The following DPF3 variants were observed in gnomAD, a reference collection of about 807,000 sequenced individuals.
The protein encoded by DPF3 is zinc finger protein DPF3.
In DPF3, 18 loss-of-function variants were observed where a neutral mutation model predicts 56.8. That is an observed-to-expected ratio of 0.32 (90% CI 0.22 to 0.47). DPF3 has a LOEUF of 0.47. Ranked by LOEUF, DPF3 falls within the 20% of genes least tolerant of loss-of-function variation. The pLI is 1.00. For synonymous variants in DPF3, 188 were observed against 180.2 expected (o/e 1.04, Z -0.35); for missense variants, 403 against 488.8 (o/e 0.82, Z 1.65).
At chr14:72,704,700 T>A (rs988037126) in intron 6 of DPF3, among the ~76,000 whole-genome samples, 6 of 152,206 alleles carry the variant, frequency 3.9e-5, no homozygotes, top group Non-Finnish European at 8.8e-5. Flanking sequence ...CTTCCCCTTT[T>A]AGGATATTCC....
chr14:72,776,533 A>G (rs989984624), intron 1 of DPF3, among the ~76,000 whole-genome samples: 3 of 152,308 alleles, frequency 2.0e-5, no homozygotes, highest in South Asian at 2.1e-4. Context: ...AAGAAGACTC[A>G]GAATGGGAAA....
chr14:72,755,179 G>GT lies in DPF3; in HGVS notation c.194-1809dup, dbSNP rs1890741824. On this transcript the variant is annotated intron_variant, in intron 2 of 10. Transcript: ENST00000556509. ...GTGCTTCCAACCTAATCAAACACAG[G>GT]TAAGTAAGAGTGAGCTGGCCCCCAC... 3.3e-5 allele frequency among the ~76,000 whole-genome samples: 5 copies of GT among 152,318 alleles called. No homozygotes were observed. In the South Asian group the frequency reaches 1.0e-3, roughly 32 times the overall value.
At chr14:72,769,924 A>G (rs962866321) in intron 2 of DPF3, among the ~76,000 whole-genome samples, 20 of 152,174 alleles carry the variant, frequency 1.3e-4, no homozygotes, top group Non-Finnish European at 2.8e-4. Flanking sequence ...AAAGTCATTT[A>G]TCCTGCCTTT....
chr14:72,887,983 CT>C (rs1394256153), intron 1 of DPF3, among the ~76,000 whole-genome samples: 1 of 152,030 alleles, frequency 6.6e-6, no homozygotes, highest in Non-Finnish European at 1.5e-5. Flanking sequence ...AAAAAAAAAC[CT>C]TTTATCAGCA....
At chr14:72,669,559 C>G (rs763241935) in intron 8 of DPF3, among the ~76,000 whole-genome samples, 56 of 152,254 alleles carry the variant, frequency 3.7e-4, no homozygotes, top group South Asian at 8.3e-4. Context: ...CCTCCCTATT[C>G]CTACCCAAAT....
intron 8 of DPF3, among the ~76,000 whole-genome samples, chr14:72,646,263 G>C (rs1269105547): frequency 6.6e-6 from 1 of 152,214 alleles, no homozygotes; most frequent in Non-Finnish European, 1.5e-5. Flanking sequence ...CAGTCCAAAA[G>C]ACCTCACTTC....
In DPF3 at chr14:72,763,510, A is replaced by C. The variant is rs941478889; in HGVS notation, c.193+8223T>G. Among the ~76,000 whole-genome samples, 6 of 152,276 alleles carry C rather than the reference A, an allele frequency of 3.9e-5. No individual in the cohort carries two copies. The East Asian group carries it at 1.2e-3, about 29-fold the overall frequency. On this transcript the variant is annotated intron_variant, in intron 2 of 10. Coordinates refer to ENST00000556509, the MANE Select transcript of DPF3 (RefSeq NM_001280542.3). ...TGGAGAAAGACGAGTCTTTTCAGCAAACTATGTTGAAACAATTGAATATCC... is the reference window on the plus strand; with the variant it reads ...TGGAGAAAGACGAGTCTTTTCAGCACACTATGTTGAAACAATTGAATATCC...
At chr14:72,800,655 TGGATGCATGGATGAAC>T (rs1242338286) in intron 1 of DPF3, among the ~76,000 whole-genome samples, 5 of 151,976 alleles carry the variant, frequency 3.3e-5, no homozygotes, top group Admixed American at 3.3e-4. Context: ...GATGCATGGA[TGGATGCATGGATGAAC>T]GGATGCATGG....
In DPF3 at chr14:72,853,066, T is replaced by TGTGTGTGTGTGTGC. The variant is rs1338131454; in HGVS notation, c.32+40990_32+40991insGCACACACACACAC. Among the ~76,000 whole-genome samples the TGTGTGTGTGTGTGC allele has an allele frequency of 2.0e-5, 3 of 151,850 alleles. No individual in the cohort carries two copies. In the East Asian group the frequency reaches 5.8e-4, roughly 30 times the overall value. Reference sequence around the variant, plus strand: ...GTGTGTGTATGTGTGTGTGTGTGTATGCATGCTTGCTGAGGCATAGAAAAT... The same window carrying TGTGTGTGTGTGTGC: ...GTGTGTGTATGTGTGTGTGTGTGTATGTGTGTGTGTGTGCGCATGCTTGCTGAGGCATAGAAAAT... On this transcript the variant is annotated intron_variant, in intron 1 of 10. Transcript: ENST00000556509.
chr14:72,642,974 G>C (rs932106037), intron 8 of DPF3, among the ~76,000 whole-genome samples: 1 of 152,160 alleles, frequency 6.6e-6, no homozygotes, highest in Non-Finnish European at 1.5e-5. Flanking sequence ...TTCCCCGTGG[G>C]GATCCTGTGA....
At chr14:72,874,306 G>A (rs190666756) in intron 1 of DPF3, among the ~76,000 whole-genome samples, 2 of 151,662 alleles carry the variant, frequency 1.3e-5, no homozygotes, top group Admixed American at 6.6e-5. Context: ...GTGAAACCCC[G>A]TCTCTATTAA....
intron 7 of DPF3, among the ~76,000 whole-genome samples, chr14:72,682,298 T>A (rs1887198558): frequency 6.6e-6 from 1 of 151,000 alleles, no homozygotes; most frequent in Admixed American, 6.6e-5. Flanking sequence ...TGACACGTAA[T>A]GAGATATTTC....
chr14:72,655,072 C>A (rs1010063823), intron 8 of DPF3, among the ~76,000 whole-genome samples: 1 of 152,142 alleles, frequency 6.6e-6, no homozygotes, highest in Non-Finnish European at 1.5e-5. Flanking sequence ...ATACTACATT[C>A]TTTCTTACAT....
At chr14:72,714,207 G>T (rs1399412609) in intron 6 of DPF3, among the ~76,000 whole-genome samples, 3 of 152,234 alleles carry the variant, frequency 2.0e-5, no homozygotes, top group Non-Finnish European at 4.4e-5. Context: ...GGCCACCCCA[G>T]CTGGCTTCCC....
chr14:72,781,597 G>A (rs770350652), intron 1 of DPF3, among the ~76,000 whole-genome samples: 14 of 152,108 alleles, frequency 9.2e-5, no homozygotes, highest in East Asian at 1.9e-4. Context: ...TTTCTGAGCC[G>A]CCACTGGGTG....
chr14:72,657,789 G>A (rs1886098915), intron 8 of DPF3, among the ~76,000 whole-genome samples: 1 of 152,114 alleles, frequency 6.6e-6, no homozygotes, highest in African/African-American at 2.4e-5. Flanking sequence ...ATCCTCTACA[G>A]CTGTTTTCAT....
chr14:72,702,246 A>G (rs1174635229), intron 6 of DPF3, among the ~76,000 whole-genome samples: 1 of 151,614 alleles, frequency 6.6e-6, no homozygotes, highest in Non-Finnish European at 1.5e-5. Context: ...TCTCGGCAAG[A>G]AGGAGGCACC....
intron 2 of DPF3, among the ~76,000 whole-genome samples, chr14:72,770,033 C>T (rs1407297234): frequency 1.3e-5 from 2 of 152,114 alleles, no homozygotes; most frequent in African/African-American, 4.8e-5. Context: ...TAATGATAGT[C>T]CTGGATTGAA....
intron 8 of DPF3, among the ~76,000 whole-genome samples, chr14:72,663,853 C>A (rs964204307): frequency 1.1e-4 from 16 of 152,098 alleles, no homozygotes; most frequent in Admixed American, 4.6e-4. Flanking sequence ...CCCTCCCCTG[C>A]CCCACCTCTC....
Sources: gnomAD v4.1 joint callset for allele counts (sites outside exome capture counted in the v4.1 genomes callset) on GRCh38, gnomAD v4.1.1 for gene constraint, MANE v1.5 for transcripts, NCBI Gene and HGNC (gene_info 2026-07-23, HGNC 2026-07-21) for gene names.